The following FNDC3B variants were observed in gnomAD, a reference collection of about 807,000 sequenced individuals.
FNDC3B encodes fibronectin type III domain containing 3B.
FNDC3B carries 12 observed loss-of-function variants against 151.5 expected under a neutral mutation model. That is an observed-to-expected ratio of 0.08 (90% CI 0.05 to 0.13). The LOEUF is 0.13. FNDC3B is among the 10% of genes least tolerant of loss of function. FNDC3B has a pLI of 1.00. For synonymous variants in FNDC3B, 528 were observed against 549.0 expected, an observed-to-expected ratio of 0.96 and a Z score of 0.54; for missense variants, 1,214 against 1,505.3, an observed-to-expected ratio of 0.81 and a Z score of 3.20.
In FNDC3B at chr3:172,085,200, G is replaced by T. The variant is rs189307858; in HGVS notation, c.-28-27252G>T. Among the ~76,000 whole-genome samples, 3 of 152,292 alleles carry T rather than the reference G, an allele frequency of 2.0e-5. No homozygotes were observed. In the East Asian group the frequency reaches 5.8e-4, roughly 29 times the overall value. On this transcript the variant is annotated intron_variant, in intron 1 of 25. Transcript: ENST00000415807. ...TTGAATTTGTAAAGCTGGGCTTCAGGATATGGCCTACAGATTTTTTTGCGT... is the reference window on the plus strand; with the variant it reads ...TTGAATTTGTAAAGCTGGGCTTCAGTATATGGCCTACAGATTTTTTTGCGT...
intron 3 of FNDC3B, among the ~76,000 whole-genome samples, chr3:172,158,444 T>A (rs1012002934): frequency 6.6e-5 from 10 of 152,230 alleles, no homozygotes; most frequent in African/African-American, 2.4e-4. Flanking sequence ...TTATTTGCCT[T>A]CCGTATCTCC....
chr3:172,155,177 G>A (rs1019730804), intron 3 of FNDC3B, among the ~76,000 whole-genome samples: 1 of 152,206 alleles, frequency 6.6e-6, no homozygotes, highest in African/African-American at 2.4e-5. Context: ...CAAAGTCATA[G>A]GGAGAATGTG....
chr3:172,134,316 T>A (rs747965261), intron 3 of FNDC3B: 2 of 513,556 alleles, frequency 3.9e-6, no homozygotes, highest in East Asian at 1.1e-4. Flanking sequence ...GAGTTCTGTG[T>A]AGGAAGATCA....
chr3:172,275,625 A>G (rs1400309691), intron 6 of FNDC3B, among the ~76,000 whole-genome samples: 1 of 152,232 alleles, frequency 6.6e-6, no homozygotes, highest in Non-Finnish European at 1.5e-5. Flanking sequence ...GTAATACCAG[A>G]GAGCTTCTAT....
intron 6 of FNDC3B, among the ~76,000 whole-genome samples, chr3:172,268,546 T>A (rs1216534096): frequency 1.3e-5 from 2 of 152,164 alleles, no homozygotes; most frequent in African/African-American, 4.8e-5. Flanking sequence ...CATGACACTC[T>A]GTACATGGGA....
chr3:172,259,691 T>C (rs936906436), intron 6 of FNDC3B, among the ~76,000 whole-genome samples: 5 of 152,200 alleles, frequency 3.3e-5, no homozygotes, highest in African/African-American at 1.2e-4. Flanking sequence ...GTGGCCCAAA[T>C]TGTTAATTAG....
rs541047258 is a variant in FNDC3B, at chr3:172,321,374, C to T, written c.1255-7578C>T. 4.6e-5 allele frequency among the ~76,000 whole-genome samples: 7 copies of T among 152,280 alleles called. No homozygotes were observed. The South Asian group carries it at 1.0e-3, about 23-fold the overall frequency. Reference sequence around the variant, plus strand: ...ATTGGCAATTTTGGTTGATCTTTATCGTCTAGGAGTCTGGTTCTATTTTTA... The same window carrying T: ...ATTGGCAATTTTGGTTGATCTTTATTGTCTAGGAGTCTGGTTCTATTTTTA... On this transcript the variant is annotated intron_variant, in intron 11 of 25. Coordinates refer to ENST00000415807, the MANE Select transcript of FNDC3B (RefSeq NM_022763.4).
intron 3 of FNDC3B, among the ~76,000 whole-genome samples, chr3:172,190,101 C>A (rs1724426283): frequency 6.6e-6 from 1 of 152,160 alleles, no homozygotes; most frequent in Non-Finnish European, 1.5e-5. Context: ...TAATCCATTT[C>A]TCTGTCTTGC....
intron 25 of FNDC3B, among the ~76,000 whole-genome samples, chr3:172,385,289 A>G (rs1399636976): frequency 6.6e-6 from 1 of 152,200 alleles, no homozygotes; most frequent in Admixed American, 6.5e-5. Flanking sequence ...CTGTACATCC[A>G]CCACAGCGGA....
intron 6 of FNDC3B, among the ~76,000 whole-genome samples, chr3:172,264,048 G>A (rs1389598744): frequency 1.3e-5 from 2 of 152,008 alleles, no homozygotes; most frequent in East Asian, 1.9e-4. Context: ...GTGCAGTGGC[G>A]CTATCACAGC....
intron 25 of FNDC3B, among the ~76,000 whole-genome samples, chr3:172,390,553 T>A (rs555693912): frequency 2.0e-5 from 3 of 151,836 alleles, no homozygotes; most frequent in South Asian, 4.2e-4. Context: ...TTTTTTTTTT[T>A]AAATCTTAAC....
At chr3:172,138,873 A>G (rs1178330378) in intron 3 of FNDC3B, among the ~76,000 whole-genome samples, 1 of 152,266 alleles carries the variant, frequency 6.6e-6, no homozygotes, top group Non-Finnish European at 1.5e-5. Context: ...AGATGGCTGT[A>G]GCTTTGAAGC....
intron 2 of FNDC3B, among the ~76,000 whole-genome samples, 186 bp from the exon 3 acceptor site, chr3:172,133,285 G>C (rs1721199319): frequency 6.6e-6 from 1 of 152,180 alleles, no homozygotes; most frequent in South Asian, 2.1e-4. Context: ...AATTCACTTA[G>C]CTAAATTTGA....
chr3:172,126,821 C>T (rs1000768926), intron 2 of FNDC3B, among the ~76,000 whole-genome samples: 5 of 152,196 alleles, frequency 3.3e-5, no homozygotes, highest in Non-Finnish European at 7.3e-5. Context: ...TACTTTATTA[C>T]TTTTTATTGC....
At chr3:172,091,872 G>GT (rs1470695239) in intron 1 of FNDC3B, among the ~76,000 whole-genome samples, 96 of 126,900 alleles carry the variant, frequency 7.6e-4, no homozygotes, top group South Asian at 2.6e-3. Flanking sequence ...GACTTTACTG[G>GT]GGTGTGTGTG....
At chr3:172,229,039 A>G (rs1380924135) in intron 4 of FNDC3B, among the ~76,000 whole-genome samples, 2 of 151,826 alleles carry the variant, frequency 1.3e-5, no homozygotes, top group Admixed American at 6.6e-5. Context: ...TCACCAAGAG[A>G]TAGGAGCAAG....
intron 6 of FNDC3B, among the ~76,000 whole-genome samples, chr3:172,271,962 C>A (rs922645326): frequency 6.6e-6 from 1 of 152,168 alleles, no homozygotes; most frequent in African/African-American, 2.4e-5. Context: ...TGGTCTTGTT[C>A]TGGTAGAACA....
chr3:172,326,915 G>A (rs912686873), intron 11 of FNDC3B, among the ~76,000 whole-genome samples: 2 of 152,160 alleles, frequency 1.3e-5, no homozygotes, highest in Non-Finnish European at 1.5e-5. Context: ...ACGGGGTTTG[G>A]AAGGGATGAG....
At chr3:172,322,007 G>A (rs1669058980) in intron 11 of FNDC3B, among the ~76,000 whole-genome samples, 1 of 152,172 alleles carries the variant, frequency 6.6e-6, no homozygotes, top group South Asian at 2.1e-4. Context: ...AAAACTTCAT[G>A]CTATAAACGT....
Sources: allele counts gnomAD v4.1 joint callset (sites outside exome capture counted in the v4.1 genomes callset), GRCh38; gene constraint gnomAD v4.1.1; transcripts MANE v1.5; gene names NCBI Gene and HGNC (gene_info 2026-07-23, HGNC 2026-07-21).